The following CAVIN4 variants were observed in gnomAD, a reference collection of about 807,000 sequenced individuals.
CAVIN4 encodes the protein caveolae-associated protein 4.
A neutral mutation model predicts 18.6 loss-of-function variants in CAVIN4; 10 were observed. The ratio of observed to expected loss-of-function variants is 0.54; its 90% CI spans 0.33 to 0.91. CAVIN4 has a LOEUF of 0.91. CAVIN4 is among the 40% of genes least tolerant of loss of function. The pLI is 0.02. For missense variants in CAVIN4, 459 were observed against 440.5 expected, an observed-to-expected ratio of 1.04 and a Z score of -0.38; for synonymous variants, 173 against 164.8, an observed-to-expected ratio of 1.05 and a Z score of -0.38.
chr9:100,578,697 A>G (rs974628938), intron 1 of CAVIN4, 146 bp downstream of exon 1: 7 of 811,648 alleles, frequency 8.6e-6, no homozygotes, highest in Non-Finnish European at 1.4e-5. Flanking sequence ...CAATCTCAGG[A>G]TAAAACCATT....
At chr9:100,582,292 T>A (rs893800638) in intron 1 of CAVIN4, among the ~76,000 whole-genome samples, 1 of 152,182 alleles carries the variant, frequency 6.6e-6, no homozygotes, top group African/African-American at 2.4e-5. Flanking sequence ...CAAATCCAAT[T>A]CTCATCCTTA....
Position 100,585,735 on chromosome 9 carries a change from C to A in CAVIN4, c.409-30C>A, listed in dbSNP as rs374350726. 18 of 1,568,566 alleles carry A rather than the reference C, an allele frequency of 1.1e-5. No homozygotes were observed. In the Admixed American group the frequency reaches 1.3e-4, roughly 12 times the overall value. ...GCTGCTCTATAGTGCAAAGGAAGCA[C>A]TAATATGCTTTGTTTTTTCTCTCCT... On this transcript the variant is annotated intron_variant, in intron 1 of 1. Transcript: ENST00000307584.
At chr9:100,580,161 T>A (rs1304757685) in intron 1 of CAVIN4, among the ~76,000 whole-genome samples, 1 of 151,246 alleles carries the variant, frequency 6.6e-6, no homozygotes, top group Non-Finnish European at 1.5e-5. Flanking sequence ...ACCAGGTGTG[T>A]CGTCGCGTGC....
rs776209874 is a variant in CAVIN4, at chr9:100,578,469, A to G, written c.326A>G (p.Lys109Arg). 1.2e-6 allele frequency: 2 copies of G among 1,614,056 alleles called. No homozygotes were observed. Among genetic ancestry groups the G allele is most frequent in the South Asian group, 2.2e-5 (2 of 91,080 alleles). ...AAAGATGTGAAAGCCCGGGTGGAGA[A>G]GCAACAAATTCATGTTAAAAAAGTT... is the stretch of plus-strand genomic sequence containing the variant. The part of the protein sequence containing the change: ...HIKDVKARVE[K>R]QQIHVKKVEV... Residue 109 changes from lysine to arginine, a missense_variant, in exon 1 of 2, where the codon AAG becomes AGG. Lys to Arg is a conservative substitution (Grantham distance 26). Coordinates refer to ENST00000307584, the MANE Select transcript of CAVIN4 (RefSeq NM_001018116.2).
At chr9:100,585,215 A>G (rs2118612873) in intron 1 of CAVIN4, among the ~76,000 whole-genome samples, 1 of 152,270 alleles carries the variant, frequency 6.6e-6, no homozygotes, top group Admixed American at 6.5e-5. Flanking sequence ...ATGAAGAAGG[A>G]GGAGGGAACA....
At position 100,578,513 on chromosome 9, in the gene CAVIN4, A is replaced by G. The variant is rs759552777; in HGVS notation, c.370A>G (p.Ile124Val). Residue 124 changes from isoleucine to valine, a missense_variant, in exon 1 of 2, where the codon ATA becomes GTA. By Grantham distance (29) the Ile-to-Val change is conservative. Coordinates refer to ENST00000307584, the MANE Select transcript of CAVIN4 (RefSeq NM_001018116.2). Reference sequence around the variant, plus strand: ...AAAAGTTGAAGTCAAGCAAGAGGAAATAATGAAGAAAAACAAATTCCGCGT... The same window carrying G: ...AAAAGTTGAAGTCAAGCAAGAGGAAGTAATGAAGAAAAACAAATTCCGCGT... ...VKKVEVKQEE[I>V]MKKNKFRVVI... The G allele has an allele frequency of 6.2e-7, 1 of 1,613,710 alleles. No individual in the cohort carries two copies. The highest frequency in any genetic ancestry group is 8.5e-7 in the Non-Finnish European group (1 of 1,179,960).
At chr9:100,584,581 CTG>C (rs1217552210) in intron 1 of CAVIN4, among the ~76,000 whole-genome samples, 1 of 152,310 alleles carries the variant, frequency 6.6e-6, no homozygotes, top group African/African-American at 2.4e-5. Flanking sequence ...TCAATTCAAA[CTG>C]TGCTAAATGT....
chr9:100,580,651 C>T (rs1465686805), intron 1 of CAVIN4, among the ~76,000 whole-genome samples: 2 of 152,236 alleles, frequency 1.3e-5, no homozygotes, highest in African/African-American at 4.8e-5. Context: ...CTGTAACTTA[C>T]TGCTAATTGT....
At chr9:100,580,748 A>G (rs1397445706) in intron 1 of CAVIN4, among the ~76,000 whole-genome samples, 1 of 152,238 alleles carries the variant, frequency 6.6e-6, no homozygotes, top group African/African-American at 2.4e-5. Context: ...AAATAATGCC[A>G]TGAAGATTCT....
At chr9:100,585,117 T>G (rs1041509214) in intron 1 of CAVIN4, among the ~76,000 whole-genome samples, 5 of 152,198 alleles carry the variant, frequency 3.3e-5, no homozygotes, top group African/African-American at 1.2e-4. Flanking sequence ...TTAGTTGATG[T>G]TCTGGAGGTA....
At chr9:100,583,640 C>G (rs376023365) in intron 1 of CAVIN4, among the ~76,000 whole-genome samples, 2 of 77,908 alleles carry the variant, frequency 2.6e-5, no homozygotes, top group Non-Finnish European at 6.3e-5. Context: ...TTCATTCATT[C>G]ATTCATTCAT....
At chr9:100,579,593 T>G (rs528323585) in intron 1 of CAVIN4, among the ~76,000 whole-genome samples, 1 of 152,306 alleles carries the variant, frequency 6.6e-6, no homozygotes, top group Admixed American at 6.5e-5. Context: ...ATTTAAAAAT[T>G]CACAAACTTT....
upstream of CAVIN4, chr9:100,577,221 A>G (rs1353164719): frequency 1.3e-5 from 2 of 152,660 alleles, no homozygotes; most frequent in Non-Finnish European, 2.9e-5. Context: ...AAAAGTAGAT[A>G]TAGATATTGT....
At chr9:100,583,471 T>G (rs1839447291) in intron 1 of CAVIN4, among the ~76,000 whole-genome samples, 2 of 152,164 alleles carry the variant, frequency 1.3e-5, no homozygotes, top group South Asian at 4.1e-4. Flanking sequence ...CCCCAACCTG[T>G]CAGCACCCTT....
At position 100,585,791 on chromosome 9, in the gene CAVIN4, G is replaced by C; in HGVS notation, c.435G>C (p.Leu145=). Residue 145 remains leucine, a synonymous_variant, in exon 2 of 2, where the codon CTG becomes CTC. Transcript: ENST00000307584. ...AGAAGTTTCGGTGTCCGACATCCCT[G>C]TCTGTTGTTAAAGACAGAAACCTAA... ...FQEKFRCPTS[L]SVVKDRNLTE... The C allele has an allele frequency of 1.1e-5, 17 of 1,614,116 alleles. No homozygotes were observed. The highest frequency in any genetic ancestry group is 1.4e-5 in the Non-Finnish European group (16 of 1,180,014).
upstream of CAVIN4, chr9:100,578,058 C>A: frequency 7.2e-7 from 1 of 1,394,016 alleles, no homozygotes; most frequent in Non-Finnish European, 1.0e-6. Flanking sequence ...TTTAAACAAC[C>A]CTGTTGCCTG....
chr9:100,583,008 G>A (rs1839443293), intron 1 of CAVIN4, among the ~76,000 whole-genome samples: 1 of 152,090 alleles, frequency 6.6e-6, no homozygotes, highest in Non-Finnish European at 1.5e-5. Flanking sequence ...TATTTCCAAA[G>A]TCTGAAATAT....
At chr9:100,585,076 G>A (rs1362166592) in intron 1 of CAVIN4, among the ~76,000 whole-genome samples, 3 of 152,186 alleles carry the variant, frequency 2.0e-5, no homozygotes, top group East Asian at 1.9e-4. Flanking sequence ...TGTGATCAAA[G>A]CTATGCTTTA....
intron 1 of CAVIN4, among the ~76,000 whole-genome samples, chr9:100,583,967 T>C (rs2118610406): frequency 6.6e-6 from 1 of 152,280 alleles, no homozygotes; most frequent in African/African-American, 2.4e-5. Context: ...TTTAGAAGAC[T>C]TCCTCTTATG....
Sources: gnomAD v4.1 joint callset for allele counts (sites outside exome capture counted in the v4.1 genomes callset) on GRCh38, gnomAD v4.1.1 for gene constraint, MANE v1.5 for transcripts, NCBI Gene and HGNC (gene_info 2026-07-23, HGNC 2026-07-21) for gene names.